The following CDH4 variants were observed in gnomAD, a reference collection of about 807,000 sequenced individuals.
CDH4 encodes cadherin 4, also known as cadherin-4.
Under a neutral mutation model 86.0 loss-of-function variants are expected in CDH4, and 33 were observed. That is an observed-to-expected ratio of 0.38 (90% CI 0.29 to 0.51). The LOEUF (loss-of-function observed/expected upper bound fraction) is 0.51. Ranked by LOEUF, CDH4 falls within the 20% of genes least tolerant of loss-of-function variation. The probability of loss-of-function intolerance (pLI) is 0.86; values close to 1 mark genes in which losing one functional copy is unlikely to be tolerated. For synonymous variants in CDH4, 555 were observed against 549.4 expected, an observed-to-expected ratio of 1.01 and a Z score of -0.14; for missense variants, 1,114 against 1,307.4, an observed-to-expected ratio of 0.85 and a Z score of 2.28.
chr20:61,503,107 G>A (rs1364150188), intron 2 of CDH4, among the ~76,000 whole-genome samples: 2 of 152,210 alleles, frequency 1.3e-5, no homozygotes, highest in African/African-American at 4.8e-5. Context: ...CCTTGATGAG[G>A]ACTGGGCAGG....
At chr20:61,646,806 A>G (rs150912886) in intron 2 of CDH4, among the ~76,000 whole-genome samples, 316 of 152,366 alleles carry the variant, frequency 2.1e-3, no homozygotes, top group Non-Finnish European at 3.3e-3. Flanking sequence ...TTAAATAACC[A>G]CAGGAAAGCT....
chr20:61,556,160 G>T (rs561017083), intron 2 of CDH4, among the ~76,000 whole-genome samples: 50 of 152,310 alleles, frequency 3.3e-4, no homozygotes, highest in African/African-American at 1.1e-3. Context: ...TCAGCAACAA[G>T]AATGTGCATT....
intron 2 of CDH4, among the ~76,000 whole-genome samples, chr20:61,638,097 G>A (rs1316279511): frequency 6.6e-6 from 1 of 151,992 alleles, no homozygotes. Context: ...AGGCTAATTA[G>A]GAAGTTGAAA....
At chr20:61,727,833 C>T (rs952648938) in intron 2 of CDH4, among the ~76,000 whole-genome samples, 8 of 152,322 alleles carry the variant, frequency 5.3e-5, no homozygotes, top group Admixed American at 2.0e-4. Flanking sequence ...TGCCTCCCCC[C>T]GACCACCCCC....
chr20:61,903,875 G>A (rs902151498), intron 8 of CDH4, among the ~76,000 whole-genome samples: 1 of 152,192 alleles, frequency 6.6e-6, no homozygotes, highest in Admixed American at 6.5e-5. Context: ...CTGTTTCCCT[G>A]GGGTTGTCAC....
intron 2 of CDH4, among the ~76,000 whole-genome samples, chr20:61,396,812 G>A (rs2085020277): frequency 6.6e-6 from 1 of 152,228 alleles, no homozygotes; most frequent in African/African-American, 2.4e-5. Flanking sequence ...GGGGCTGGAA[G>A]CCCTGGGGTG....
chr20:61,397,535 G>A (rs2085024942), intron 2 of CDH4, among the ~76,000 whole-genome samples: 1 of 151,826 alleles, frequency 6.6e-6, no homozygotes, highest in Non-Finnish European at 1.5e-5. Context: ...CTTGAAACCT[G>A]GGTCTTGTTA....
At chr20:61,470,132 T>C (rs2085494272) in intron 2 of CDH4, among the ~76,000 whole-genome samples, 1 of 152,168 alleles carries the variant, frequency 6.6e-6, no homozygotes, top group Non-Finnish European at 1.5e-5. Flanking sequence ...TTGCATTGAA[T>C]CCATAGATTG....
intron 2 of CDH4, among the ~76,000 whole-genome samples, chr20:61,320,124 A>G (rs992164943): frequency 2.0e-5 from 3 of 151,960 alleles, no homozygotes; most frequent in South Asian, 4.2e-4. Flanking sequence ...CCCAGGTGGG[A>G]CTGTTCCCTC....
chr20:61,887,915 G>A (rs897369030), intron 7 of CDH4, among the ~76,000 whole-genome samples: 4 of 152,188 alleles, frequency 2.6e-5, no homozygotes, highest in East Asian at 1.9e-4. Context: ...GAGGGGGGCC[G>A]GTGCAGGCAG....
intron 2 of CDH4, among the ~76,000 whole-genome samples, chr20:61,384,130 C>G (rs562518110): frequency 6.6e-6 from 1 of 152,188 alleles, no homozygotes; most frequent in East Asian, 1.9e-4. Flanking sequence ...TTAAATGGTG[C>G]CCACCCAGAC....
rs149914209 is a variant in CDH4 at position 61,667,148 on chromosome 20, G to A, written c.170-76415G>A. ...ATGTGATGGAGGCAAAGAAGGGGCC[G>A]GTCAAGCCAGCACCTGGAGCCACAG... is the stretch of plus-strand genomic sequence containing the variant. On this transcript the variant is annotated intron_variant, in intron 2 of 15. Transcript: ENST00000614565. 8.0e-3 allele frequency among the ~76,000 whole-genome samples: 1,215 copies of A among 152,332 alleles called. 10 individuals are homozygous for A. Among genetic ancestry groups the A allele is most frequent in the Middle Eastern group, 0.014 (4 of 294 alleles).
chr20:61,665,696 A>T (rs1267106933), intron 2 of CDH4, among the ~76,000 whole-genome samples: 2 of 152,316 alleles, frequency 1.3e-5, no homozygotes, highest in African/African-American at 2.4e-5. Context: ...TGAGGTGTGC[A>T]CGCAGCCAAG....
chr20:61,354,122 C>T (rs2084732295), intron 2 of CDH4, among the ~76,000 whole-genome samples: 2 of 152,028 alleles, frequency 1.3e-5, no homozygotes, highest in Admixed American at 6.5e-5. Context: ...GTGCTGGCAT[C>T]GTGTAGGTGG....
At chr20:61,525,832 A>G (rs889409779) in intron 2 of CDH4, among the ~76,000 whole-genome samples, 2 of 152,092 alleles carry the variant, frequency 1.3e-5, no homozygotes, top group African/African-American at 4.8e-5. Flanking sequence ...TAAGTCTCCC[A>G]GCTGCTGTGG....
At chr20:61,897,606 C>T (rs982136491) in intron 8 of CDH4, among the ~76,000 whole-genome samples, 7 of 152,236 alleles carry the variant, frequency 4.6e-5, no homozygotes, top group Admixed American at 2.6e-4. Flanking sequence ...GAGCTACCCT[C>T]GCCGCAACTG....
intron 4 of CDH4, among the ~76,000 whole-genome samples, chr20:61,831,310 G>A (rs962616617): frequency 6.6e-5 from 10 of 152,208 alleles, no homozygotes; most frequent in Admixed American, 6.5e-4. Context: ...CAAAGACCTG[G>A]CCCACTTCCA....
At chr20:61,743,923 A>G (rs1055352445) in intron 3 of CDH4, 134 bp downstream of exon 3, 4 of 711,478 alleles carry the variant, frequency 5.6e-6, no homozygotes, top group Non-Finnish European at 9.6e-6. Flanking sequence ...CACTCAGGCC[A>G]TTGCCAACCA....
intron 2 of CDH4, among the ~76,000 whole-genome samples, chr20:61,555,696 C>G (rs1399678384): frequency 6.6e-6 from 1 of 152,192 alleles, no homozygotes; most frequent in African/African-American, 2.4e-5. Context: ...ATGAATTGGA[C>G]CCATGTGGTG....
Sources: allele counts gnomAD v4.1 joint callset (sites outside exome capture counted in the v4.1 genomes callset), GRCh38; gene constraint gnomAD v4.1.1; transcripts MANE v1.5; gene names NCBI Gene and HGNC (gene_info 2026-07-23, HGNC 2026-07-21).